DHDDS: variants seen among roughly 807,000 people sequenced by gnomAD.
The protein encoded by DHDDS is dehydrodolichyl diphosphate synthase complex subunit DHDDS.
A neutral mutation model predicts 46.2 loss-of-function variants in DHDDS; 16 were observed. The ratio of observed to expected loss-of-function variants is 0.35; its 90% CI spans 0.23 to 0.53. DHDDS has a LOEUF of 0.53. Ranked by LOEUF, DHDDS falls within the 20% of genes least tolerant of loss-of-function variation. DHDDS has a pLI of 0.94. For synonymous variants in DHDDS, 151 were observed against 163.1 expected (o/e 0.93, Z 0.56); for missense variants, 340 against 423.7 (o/e 0.80, Z 1.73).
At chr1:26,436,959 A>G (rs2075164385) in intron 2 of DHDDS, among the ~76,000 whole-genome samples, 1 of 151,578 alleles carries the variant, frequency 6.6e-6, no homozygotes, top group Non-Finnish European at 1.5e-5. Context: ...TCACAAGGTC[A>G]GGAGATCGCC....
intron 6 of DHDDS, among the ~76,000 whole-genome samples, chr1:26,451,907 C>A (rs114568759): frequency 7.3e-5 from 11 of 151,598 alleles, no homozygotes; most frequent in African/African-American, 2.7e-4. Flanking sequence ...GGATCACACC[C>A]GGCTATTTTT....
chr1:26,445,837 A>G (rs2075262418), intron 4 of DHDDS, among the ~76,000 whole-genome samples: 1 of 151,934 alleles, frequency 6.6e-6, no homozygotes, highest in African/African-American at 2.4e-5. Context: ...AGCCTGGCCA[A>G]CATGGTGAAA....
In DHDDS at chr1:26,469,760, C is replaced by T. The variant is rs2494394; in HGVS notation, c.*629C>T. 0.047 allele frequency: 7,467 copies of T among 158,778 alleles called. 181 individuals are homozygous for T. Among genetic ancestry groups the T allele is most frequent in the South Asian group, 0.074 (407 of 5,486 alleles). 9.8% of individuals were successfully genotyped at this position (158,778 alleles called of 1,614,324 possible). A position where few individuals can be genotyped will look rare whatever the true frequency, so the allele number is the denominator to read the frequency against. ...AGCACCCCCAATGGTGCGCGGAAGC[C>T]AGGCGGGCGATTACAATCCAATTAC... On this transcript the variant is annotated 3_prime_UTR_variant, in exon 9 of 9. Transcript: ENST00000236342.
intron 2 of DHDDS, among the ~76,000 whole-genome samples, chr1:26,437,598 G>A (rs573529080): frequency 3.0e-4 from 46 of 151,932 alleles, no homozygotes; most frequent in African/African-American, 1.1e-3. Context: ...AGCCTCCCGA[G>A]TAGAGTAGCT....
chr1:26,449,390 C>T (rs906453249), intron 6 of DHDDS, among the ~76,000 whole-genome samples: 1 of 151,944 alleles, frequency 6.6e-6, no homozygotes, highest in East Asian at 1.9e-4. Flanking sequence ...CATGAGCCAT[C>T]ACTCCTGGCC....
intron 4 of DHDDS, among the ~76,000 whole-genome samples, chr1:26,443,962 TAGTTAACCAAAGA>T: frequency 6.6e-6 from 1 of 152,266 alleles, no homozygotes; most frequent in East Asian, 1.9e-4. Context: ...AGAAGGAAAG[TAGTTAACCAAAGA>T]AGTTAAGGCA....
chr1:26,457,878 G>A lies in DHDDS; in HGVS notation c.630G>A (p.Val210=). 4 of 1,613,870 alleles carry A rather than the reference G, an allele frequency of 2.5e-6. No individual in the cohort carries two copies. Among genetic ancestry groups the A allele is most frequent in the Non-Finnish European group, 3.4e-6 (4 of 1,179,962 alleles). ...TCTTGATACGGACTTCTGGAGAAGT[G>A]CGGCTGAGTGACTTCTTGCTATGGC... is the stretch of plus-strand genomic sequence containing the variant. ...PDILIRTSGE[V]RLSDFLLWQT... is the part of the protein sequence containing the mutation. Residue 210 remains valine (V), a synonymous_variant, in exon 7 of 9, where the codon GTG becomes GTA. Coordinates refer to ENST00000236342, the MANE Select transcript of DHDDS (RefSeq NM_205861.3).
chr1:26,463,430 C>T (rs1446571648), intron 8 of DHDDS: 4 of 152,218 alleles, frequency 2.6e-5, no homozygotes, highest in South Asian at 2.1e-4. Context: ...CAGGATAATA[C>T]AAACTGCAAC....
chr1:26,438,429 C>A, intron 3 of DHDDS, 145 bp downstream of exon 3: 2 of 789,732 alleles, frequency 2.5e-6, no homozygotes, highest in South Asian at 1.5e-5. Context: ...AGCTATAGAT[C>A]TCATCTTGAC....
At chr1:26,445,722 GA>G (rs372209385) in intron 4 of DHDDS, among the ~76,000 whole-genome samples, 395 of 149,704 alleles carry the variant, frequency 2.6e-3, no homozygotes, top group African/African-American at 9.0e-3. Context: ...CAAAAAAGGG[GA>G]AAAAAAAATG....
chr1:26,467,737 G>A (rs1461469483), intron 8 of DHDDS, among the ~76,000 whole-genome samples: 1 of 152,196 alleles, frequency 6.6e-6, no homozygotes, highest in East Asian at 1.9e-4. Context: ...TGTGGGAAGG[G>A]TCATCAGGGT....
chr1:26,468,857 A>G, intron 8 of DHDDS, 38 bp from the exon 9 acceptor site: 8 of 1,612,062 alleles, frequency 5.0e-6, no homozygotes, highest in Non-Finnish European at 5.9e-6. Context: ...ACTCCTAAAA[A>G]TGATCTCCCC....
intron 4 of DHDDS, among the ~76,000 whole-genome samples, chr1:26,445,738 T>C (rs1180194144): frequency 3.5e-5 from 5 of 144,438 alleles, no homozygotes; most frequent in Non-Finnish European, 6.0e-5. Flanking sequence ...AAAATGTAGT[T>C]TGGGGCTGAG....
At chr1:26,456,479 A>G (rs1373518616) in intron 6 of DHDDS, among the ~76,000 whole-genome samples, 1 of 151,558 alleles carries the variant, frequency 6.6e-6, no homozygotes, top group African/African-American at 2.4e-5. Context: ...TGTAACCTCC[A>G]CCTCCTGGGT....
chr1:26,442,710 C>T (rs893438724), intron 3 of DHDDS, 21 bp from the exon 4 acceptor site: 1 of 1,614,014 alleles, frequency 6.2e-7, no homozygotes, highest in Non-Finnish European at 8.5e-7. Flanking sequence ...TATCCTAGCT[C>T]CTTGCCTTCT....
intron 6 of DHDDS, among the ~76,000 whole-genome samples, chr1:26,455,482 C>A (rs933018042): frequency 1.3e-5 from 2 of 152,128 alleles, no homozygotes; most frequent in African/African-American, 4.8e-5. Context: ...TGCAGTGGCT[C>A]ACACCTGTAA....
chr1:26,446,678 C>T (rs1181863895), intron 5 of DHDDS, among the ~76,000 whole-genome samples: 4 of 151,220 alleles, frequency 2.6e-5, no homozygotes, highest in Non-Finnish European at 5.9e-5. Flanking sequence ...GCCCAGCCCC[C>T]ACCAAATAAG....
chr1:26,469,372 C>G lies in DHDDS; in HGVS notation c.*241C>G, dbSNP rs2124554960. The stretch of plus-strand genomic sequence containing the variant: ...GTACACTAAACCTAGGTCTGGTCAC[C>G]AATAGGGTTTGGAGAGCAAAGGGCC... On this transcript the variant is annotated 3_prime_UTR_variant, in exon 9 of 9. Transcript: ENST00000236342. 3 of 667,220 alleles carry G rather than the reference C, an allele frequency of 4.5e-6. No homozygotes were observed. In the East Asian group the frequency reaches 8.5e-5, roughly 19 times the overall value. The allele number at this position is 667,220 out of a possible 1,614,324, so 41.3% of individuals were successfully genotyped here.
At chr1:26,432,785 G>A in intron 1 of DHDDS, 106 bp from the exon 2 acceptor site, 1 of 717,316 alleles carries the variant, frequency 1.4e-6, no homozygotes, top group East Asian at 2.7e-5. Context: ...AGTGTCTTTG[G>A]ATTCTAATGC....
Sources: gnomAD v4.1 joint callset for allele counts (sites outside exome capture counted in the v4.1 genomes callset) on GRCh38, gnomAD v4.1.1 for gene constraint, MANE v1.5 for transcripts, NCBI Gene and HGNC (gene_info 2026-07-23, HGNC 2026-07-21) for gene names.